The following RBMS3 variants were observed in gnomAD, a reference collection of about 807,000 sequenced individuals.
RBMS3 encodes RNA-binding motif, single-stranded-interacting protein 3.
Under a neutral mutation model 66.8 loss-of-function variants are expected in RBMS3, and 27 were observed. The observed-to-expected ratio is 0.40, with a 90% CI of 0.30 to 0.56. RBMS3 has a LOEUF of 0.56. RBMS3 is among the 20% of genes least tolerant of loss of function. The pLI, the probability that RBMS3 is intolerant of heterozygous loss-of-function variation, is 0.40. For missense variants in RBMS3, 513 were observed against 549.5 expected (o/e 0.93, Z 0.66); for synonymous variants, 188 against 183.0 (o/e 1.03, Z -0.22).
Position 29,436,424 on chromosome 3 carries a change from A to T in RBMS3, c.248+1509A>T, listed in dbSNP as rs969472385. On this transcript the variant is annotated intron_variant, in intron 2 of 14. Transcript: ENST00000383767. The stretch of plus-strand genomic sequence containing the variant: ...GGAACCTTGAAAGATAAATATATAT[A>T]TTTTTAAATTTGTTCAAAAAATGTT... 2.6e-4 allele frequency among the ~76,000 whole-genome samples: 40 copies of T among 152,204 alleles called. 1 individual carries two copies. The highest frequency in any genetic ancestry group is 1.2e-4 in the Non-Finnish European group (8 of 68,032).
chr3:29,435,385 G>C (rs955915172), intron 2 of RBMS3, among the ~76,000 whole-genome samples: 7 of 152,176 alleles, frequency 4.6e-5, no homozygotes, highest in Non-Finnish European at 1.0e-4. Context: ...CATGTATTTG[G>C]AGAAGCATAA....
chr3:29,429,691 A>C (rs2041106854), intron 1 of RBMS3, among the ~76,000 whole-genome samples: 1 of 152,130 alleles, frequency 6.6e-6, no homozygotes, highest in South Asian at 2.1e-4. Flanking sequence ...TCTCCTCCTA[A>C]ATAGGATTTA....
chr3:29,573,519 G>A (rs59207629), intron 3 of RBMS3, among the ~76,000 whole-genome samples: 8,278 of 152,062 alleles, frequency 0.054, 411 homozygotes, highest in African/African-American at 0.14. Context: ...TTTTCAAAAA[G>A]CAAATGTTTC....
intron 6 of RBMS3, among the ~76,000 whole-genome samples, chr3:29,786,940 A>G (rs2056841234): frequency 1.3e-5 from 2 of 151,916 alleles, no homozygotes; most frequent in Admixed American, 1.3e-4. Flanking sequence ...ATACATCTGA[A>G]AAAGGACTAA....
intron 10 of RBMS3, among the ~76,000 whole-genome samples, chr3:29,909,106 G>C (rs774725305): frequency 6.6e-6 from 1 of 151,998 alleles, no homozygotes; most frequent in Non-Finnish European, 1.5e-5. Context: ...ACTACGGGGG[G>C]AGCAAATAGC....
At chr3:29,761,419 G>A (rs556150224) in intron 5 of RBMS3, among the ~76,000 whole-genome samples, 4 of 152,042 alleles carry the variant, frequency 2.6e-5, no homozygotes, top group South Asian at 4.2e-4. Flanking sequence ...AGAATTTCCC[G>A]GGCAAACCTT....
At chr3:29,765,760 A>T (rs557468405) in intron 6 of RBMS3, 1 of 152,260 alleles carries the variant, frequency 6.6e-6, no homozygotes, top group African/African-American at 2.4e-5. Flanking sequence ...GTTTGTTTTC[A>T]TGCTGCTGAT....
chr3:29,431,106 C>T (rs1046859026), intron 1 of RBMS3, among the ~76,000 whole-genome samples: 2 of 152,042 alleles, frequency 1.3e-5, no homozygotes, highest in African/African-American at 4.8e-5. Flanking sequence ...AGCTAAGAAA[C>T]TTGAGCTTTC....
In RBMS3 at chr3:30,003,953, A is replaced by G. The variant is rs965845232; in HGVS notation, c.*91A>G. On this transcript the variant is annotated 3_prime_UTR_variant, in exon 15 of 15. Coordinates refer to ENST00000383767, the MANE Select transcript of RBMS3 (RefSeq NM_001003793.3). ...TGGCTTCCAGTTTGCACAGACGTCA[A>G]TGGAATGCATTTTTTTGTTGTTGTT... The G allele has an allele frequency of 1.9e-5, 21 of 1,093,486 alleles. No individual in the cohort carries two copies. The highest frequency in any genetic ancestry group is 2.2e-4 in the Middle Eastern group (1 of 4,464). The allele number at this position is 1,093,486 out of a possible 1,614,324, so 67.7% of individuals were successfully genotyped here. A position where few individuals can be genotyped will look rare whatever the true frequency, so the allele number is the denominator to read the frequency against.
At chr3:29,981,624 G>GT (rs1237679054) in intron 12 of RBMS3, among the ~76,000 whole-genome samples, 4 of 152,134 alleles carry the variant, frequency 2.6e-5, no homozygotes, top group African/African-American at 9.7e-5. Flanking sequence ...TTTATTGAGG[G>GT]TTTTTAGCAT....
chr3:29,553,691 T>C (rs1402699815), intron 3 of RBMS3, among the ~76,000 whole-genome samples: 1 of 151,942 alleles, frequency 6.6e-6, no homozygotes, highest in African/African-American at 2.4e-5. Context: ...TGTGCATATA[T>C]AATATTATTT....
intron 5 of RBMS3, among the ~76,000 whole-genome samples, chr3:29,761,409 A>T (rs1229774771): frequency 6.6e-6 from 1 of 152,120 alleles, no homozygotes; most frequent in Non-Finnish European, 1.5e-5. Flanking sequence ...TTAATTTTTA[A>T]GAATTTCCCG....
chr3:29,710,945 G>C (rs1350581595), intron 4 of RBMS3, among the ~76,000 whole-genome samples: 2 of 151,990 alleles, frequency 1.3e-5, no homozygotes, highest in Non-Finnish European at 2.9e-5. Context: ...TAAAATATTT[G>C]AGCACCTACT....
chr3:29,701,121 A>C (rs1425300100), intron 4 of RBMS3, among the ~76,000 whole-genome samples: 1 of 152,116 alleles, frequency 6.6e-6, no homozygotes, highest in Non-Finnish European at 1.5e-5. Flanking sequence ...TACTAAAAAT[A>C]CAAAAATTAG....
At chr3:29,337,473 T>C (rs2036020579) in intron 1 of RBMS3, among the ~76,000 whole-genome samples, 2 of 151,992 alleles carry the variant, frequency 1.3e-5, no homozygotes, top group South Asian at 4.2e-4. Flanking sequence ...ACCCCATCTC[T>C]ACAAAAAATT....
intron 6 of RBMS3, among the ~76,000 whole-genome samples, chr3:29,835,628 A>C (rs942363327): frequency 6.6e-5 from 10 of 151,946 alleles, no homozygotes; most frequent in Non-Finnish European, 1.3e-4. Flanking sequence ...CAGCAAAATC[A>C]TTTCTAAGGG....
intron 1 of RBMS3, among the ~76,000 whole-genome samples, chr3:29,314,687 C>G (rs1275939605): frequency 6.6e-6 from 1 of 151,582 alleles, no homozygotes; most frequent in Admixed American, 6.6e-5. Context: ...TACTGGGGAG[C>G]TGAAGCCAAG....
chr3:29,507,763 A>G (rs1438039264), intron 3 of RBMS3, among the ~76,000 whole-genome samples: 1 of 152,126 alleles, frequency 6.6e-6, no homozygotes, highest in Non-Finnish European at 1.5e-5. Context: ...TGTATCCATG[A>G]TCTGACCACA....
chr3:29,381,151 G>A (rs908772241), intron 1 of RBMS3, among the ~76,000 whole-genome samples: 2 of 152,086 alleles, frequency 1.3e-5, no homozygotes, highest in African/African-American at 2.4e-5. Flanking sequence ...GATCCAGAAA[G>A]GGGAGAGGTC....
Sources: allele counts gnomAD v4.1 joint callset (sites outside exome capture counted in the v4.1 genomes callset), GRCh38; gene constraint gnomAD v4.1.1; transcripts MANE v1.5; gene names NCBI Gene and HGNC (gene_info 2026-07-23, HGNC 2026-07-21).